The following FDFT1 variants were observed in gnomAD, a reference collection of about 807,000 sequenced individuals.
FDFT1 encodes the protein squalene synthase.
A neutral mutation model predicts 46.8 loss-of-function variants in FDFT1; 68 were observed. The observed-to-expected ratio is 1.45, with a 90% CI of 1.19 to 1.78. The LOEUF (loss-of-function observed/expected upper bound fraction) is 1.78, where lower values mean the gene tolerates loss of function less well. Ranked by LOEUF, FDFT1 falls within the 40% of genes most tolerant of loss-of-function variation. The pLI, the probability that FDFT1 is intolerant of heterozygous loss-of-function variation, is 0.00. For missense variants in FDFT1, 928 were observed against 524.4 expected, an observed-to-expected ratio of 1.77 and a Z score of -7.52; for synonymous variants, 351 against 185.1, an observed-to-expected ratio of 1.90 and a Z score of -7.28.
chr8:11,814,591 A>G (rs532814019), intron 3 of FDFT1, among the ~76,000 whole-genome samples: 1 of 152,320 alleles, frequency 6.6e-6, no homozygotes, highest in Admixed American at 6.5e-5. Flanking sequence ...TATTTTGCTA[A>G]CCTATAAACA....
At chr8:11,820,739 G>A (rs1410532087) in intron 3 of FDFT1, among the ~76,000 whole-genome samples, 1 of 152,172 alleles carries the variant, frequency 6.6e-6, no homozygotes, top group Non-Finnish European at 1.5e-5. Flanking sequence ...ACAGTATTTG[G>A]GCAGAGTATA....
At chr8:11,809,464 T>C in intron 2 of FDFT1, 1 of 1,295,394 alleles carries the variant, frequency 7.7e-7, no homozygotes, top group African/African-American at 1.5e-5. Context: ...GGCTTTTTAA[T>C]AAACTACAGA....
intron 1 of FDFT1, among the ~76,000 whole-genome samples, chr8:11,806,821 C>G (rs564149594): frequency 5.9e-5 from 9 of 152,210 alleles, no homozygotes; most frequent in African/African-American, 2.2e-4. Context: ...TTTTAAAATC[C>G]TCGATGAATG....
intron 7 of FDFT1, among the ~76,000 whole-genome samples, chr8:11,832,782 T>G (rs1371240819): frequency 1.3e-5 from 2 of 152,038 alleles, no homozygotes; most frequent in Non-Finnish European, 2.9e-5. Flanking sequence ...TCCTCAGGTG[T>G]GATCCTGTTG....
At chr8:11,795,978 AT>A (rs1445362646) in exon 1 of FDFT1, 2 of 152,226 alleles carry the variant, frequency 1.3e-5, no homozygotes, top group Non-Finnish European at 2.9e-5. Flanking sequence ...GAACCAACCA[AT>A]TCCGGACACA....
intron 5 of FDFT1, among the ~76,000 whole-genome samples, chr8:11,829,554 T>G (rs149954298): frequency 5.3e-5 from 8 of 152,370 alleles, no homozygotes; most frequent in African/African-American, 1.7e-4. Context: ...GTTTACTGTT[T>G]AGTCTGCAGT....
chr8:11,824,362 C>T (rs1402857111), intron 4 of FDFT1, among the ~76,000 whole-genome samples: 1 of 152,156 alleles, frequency 6.6e-6, no homozygotes, highest in African/African-American at 2.4e-5. Flanking sequence ...TTACTGAAAT[C>T]TCTGTTGAGA....
At chr8:11,826,762 C>T (rs1253094527) in intron 5 of FDFT1, among the ~76,000 whole-genome samples, 1 of 152,206 alleles carries the variant, frequency 6.6e-6, no homozygotes, top group Non-Finnish European at 1.5e-5. Context: ...TTGCGGTGAG[C>T]TCAGATTGTG....
intron 4 of FDFT1, among the ~76,000 whole-genome samples, chr8:11,823,447 T>C (rs1431696684): frequency 6.6e-6 from 1 of 152,238 alleles, no homozygotes; most frequent in Non-Finnish European, 1.5e-5. Context: ...AATTTCTGTC[T>C]ACCTAATTTC....
intron 2 of FDFT1, chr8:11,809,095 C>T (rs1000082458): frequency 2.6e-4 from 333 of 1,279,390 alleles, no homozygotes; most frequent in Non-Finnish European, 3.2e-4. Flanking sequence ...CGGGCCCAGC[C>T]TTTCAGAGAA....
At chr8:11,808,523 CGCAGCCGCCT>C in intron 1 of FDFT1, 12 of 1,334,044 alleles carry the variant, frequency 9.0e-6, no homozygotes, top group Non-Finnish European at 1.1e-5. Context: ...TTCCCATGGC[CGCAGCCGCCT>C]GCGGCACCAA....
intron 1 of FDFT1, among the ~76,000 whole-genome samples, chr8:11,807,626 A>G (rs990974952): frequency 1.3e-5 from 2 of 151,884 alleles, no homozygotes; most frequent in Non-Finnish European, 2.9e-5. Context: ...ACAAACAGCA[A>G]CTCTTTCTGA....
Position 11,824,483 on chromosome 8 carries a change from G to T in FDFT1, c.511-1541G>T, listed in dbSNP as rs529832760. 2.1e-3 allele frequency among the ~76,000 whole-genome samples: 320 copies of T among 152,236 alleles called. 1 individual carries two copies. Among genetic ancestry groups the T allele is most frequent in the Non-Finnish European group, 3.3e-3 (224 of 68,032 alleles). ...CATACTACCTAGTTTTGAACTCTTA[G>T]CCCCTGCCACAGACACGGCAGCCCC... is the stretch of plus-strand genomic sequence containing the variant. On this transcript the variant is annotated intron_variant, in intron 4 of 7. Transcript: ENST00000220584.
intron 3 of FDFT1, among the ~76,000 whole-genome samples, chr8:11,817,743 G>T (rs1382024869): frequency 6.6e-6 from 1 of 151,914 alleles, no homozygotes; most frequent in African/African-American, 2.4e-5. Flanking sequence ...ACGTCTTTTT[G>T]ATTCTTCTGT....
chr8:11,825,653 G>A (rs543715644), intron 4 of FDFT1, among the ~76,000 whole-genome samples: 1 of 148,744 alleles, frequency 6.7e-6, no homozygotes, highest in Non-Finnish European at 1.5e-5. Context: ...AGTAGTTTGA[G>A]TCTAACGTGG....
Position 11,824,373 on chromosome 8 carries a change from G to A in FDFT1, c.511-1651G>A, listed in dbSNP as rs181735910. Among the ~76,000 whole-genome samples, 5 of 152,338 alleles carry A rather than the reference G, an allele frequency of 3.3e-5. No individual in the cohort carries two copies. The East Asian group carries it at 7.7e-4, about 23-fold the overall frequency. Reference sequence around the variant, plus strand: ...GCATTTACTGAAATCTCTGTTGAGAGAGGGGAAGTTACGTTGTCTCTAAAA... The same window carrying A: ...GCATTTACTGAAATCTCTGTTGAGAAAGGGGAAGTTACGTTGTCTCTAAAA... On this transcript the variant is annotated intron_variant, in intron 4 of 7. Coordinates refer to ENST00000220584, the MANE Select transcript of FDFT1 (RefSeq NM_004462.5).
chr8:11,835,546 C>G (rs1013400649), intron 7 of FDFT1, among the ~76,000 whole-genome samples: 2 of 152,148 alleles, frequency 1.3e-5, no homozygotes, highest in Non-Finnish European at 2.9e-5. Flanking sequence ...TTGAAGTGCT[C>G]TTGGAGTTCT....
Position 11,838,480 on chromosome 8 carries a change from G to C in FDFT1, c.1125G>C (p.Gln375His), listed in dbSNP as rs139749047. 2.5e-6 allele frequency: 4 copies of C among 1,605,806 alleles called. No individual in the cohort carries two copies. In the South Asian group the frequency reaches 3.3e-5, roughly 13 times the overall value. ...GGACGCAGAATCTTCCCAACTGTCA[G>C]CTGATTTCCCGAAGCCACTACTCCC... ...TIRTQNLPNCQLISRSHYSPI... is the reference protein window; with the variant it reads ...TIRTQNLPNCHLISRSHYSPI... The change falls in exon 8 of 8, where the codon CAG becomes CAC. Residue 375 changes from glutamine to histidine, a missense_variant. Physicochemically the swap from Gln to His is conservative, Grantham distance 24 (BLOSUM62 0). Transcript: ENST00000220584.
chr8:11,823,589 T>C (rs1387117917), intron 4 of FDFT1, among the ~76,000 whole-genome samples: 2 of 152,072 alleles, frequency 1.3e-5, no homozygotes, highest in Admixed American at 1.3e-4. Context: ...GACTTTTTTT[T>C]TTTGAGACAG....
Sources: gnomAD v4.1 joint callset for allele counts (sites outside exome capture counted in the v4.1 genomes callset) on GRCh38, gnomAD v4.1.1 for gene constraint, MANE v1.5 for transcripts, NCBI Gene and HGNC (gene_info 2026-07-23, HGNC 2026-07-21) for gene names.